MUSK: variants seen among roughly 807,000 people sequenced by gnomAD.
The protein encoded by MUSK is muscle, skeletal receptor tyrosine-protein kinase.
In MUSK, 55 loss-of-function variants were observed where a neutral mutation model predicts 88.7. That is an observed-to-expected ratio of 0.62 (90% CI 0.50 to 0.78). The LOEUF is 0.78. MUSK is among the 30% of genes least tolerant of loss of function. The probability of loss-of-function intolerance (pLI) is 0.00; values close to 1 mark genes in which losing one functional copy is unlikely to be tolerated. For missense variants in MUSK, 1,015 were observed against 1,074.3 expected, an observed-to-expected ratio of 0.94 and a Z score of 0.77; for synonymous variants, 387 against 391.9, an observed-to-expected ratio of 0.99 and a Z score of 0.15.
At chr9:110,717,048 C>A (rs1017041118) in intron 5 of MUSK, among the ~76,000 whole-genome samples, 6 of 149,720 alleles carry the variant, frequency 4.0e-5, no homozygotes, top group African/African-American at 5.1e-5. Context: ...TAGATAAATA[C>A]TTTTGTAATT....
rs2076238305 is a variant in MUSK at position 110,688,978 on chromosome 9, A to C, written c.358+1710A>C. Among the ~76,000 whole-genome samples, 4 of 144,776 alleles carry C rather than the reference A, an allele frequency of 2.8e-5. No homozygotes were observed. The South Asian group carries it at 8.4e-4, about 30-fold the overall frequency. 95.0% of individuals were successfully genotyped at this position (144,776 alleles called of 152,430 possible). On this transcript the variant is annotated intron_variant, in intron 3 of 14. Transcript: ENST00000374448. ...AATATAAATACATACATATATTTAA[A>C]TATATACAAATATATACTTAAATAT...
intron 1 of MUSK, among the ~76,000 whole-genome samples, chr9:110,679,724 A>C (rs2076083042): frequency 6.6e-6 from 1 of 150,982 alleles, no homozygotes; most frequent in African/African-American, 2.4e-5. Flanking sequence ...AATTTTATTT[A>C]TTTTTTAGTA....
chr9:110,697,057 T>A (rs998044912), intron 4 of MUSK, among the ~76,000 whole-genome samples: 4 of 147,214 alleles, frequency 2.7e-5, no homozygotes, highest in African/African-American at 1.0e-4. Flanking sequence ...ATATACATAT[T>A]ATATATATAA....
At position 110,761,888 on chromosome 9, in the gene MUSK, T is replaced by G. The variant is rs369698760; in HGVS notation, c.914-314T>G. On this transcript the variant is annotated intron_variant, in intron 7 of 14. Coordinates refer to ENST00000374448, the MANE Select transcript of MUSK (RefSeq NM_005592.4). ...CGCGCCCGGCCCACATCTTGATTTC[T>G]TAATGTAAAGTCCCTGGGTAGCTAA... The G allele has an allele frequency of 8.1e-6, 8 of 985,216 alleles. No individual in the cohort carries two copies. In the East Asian group the frequency reaches 4.5e-4, roughly 56 times the overall value. The allele number at this position is 985,216 out of a possible 1,614,324, so 61.0% of individuals were successfully genotyped here.
intron 9 of MUSK, among the ~76,000 whole-genome samples, chr9:110,770,213 A>C (rs1436054782): frequency 6.7e-6 from 1 of 149,922 alleles, no homozygotes; most frequent in Non-Finnish European, 1.5e-5. Flanking sequence ...CTCATTATAT[A>C]ATTATTTTTA....
At chr9:110,758,106 G>A (rs2077350308) in intron 7 of MUSK, among the ~76,000 whole-genome samples, 1 of 152,042 alleles carries the variant, frequency 6.6e-6, no homozygotes, top group Admixed American at 6.6e-5. Context: ...TGGGACTACA[G>A]GTGTGTGCCA....
intron 11 of MUSK, among the ~76,000 whole-genome samples, chr9:110,783,838 A>G (rs1392761225): frequency 6.6e-6 from 1 of 151,946 alleles, no homozygotes; most frequent in Non-Finnish European, 1.5e-5. Flanking sequence ...ATCTTTGAGC[A>G]CAACTTTGGC....
intron 5 of MUSK, among the ~76,000 whole-genome samples, chr9:110,721,952 A>T (rs986234381): frequency 6.6e-6 from 1 of 152,148 alleles, no homozygotes; most frequent in African/African-American, 2.4e-5. Flanking sequence ...CTTACAGTTA[A>T]CCGATCTTTG....
chr9:110,705,271 G>T (rs1309979566), intron 5 of MUSK, among the ~76,000 whole-genome samples: 1 of 152,168 alleles, frequency 6.6e-6, no homozygotes, highest in East Asian at 1.9e-4. Context: ...AAAGGTAATT[G>T]ATTCCTATGT....
intron 7 of MUSK, among the ~76,000 whole-genome samples, chr9:110,755,953 C>A (rs10817090): frequency 4.2e-5 from 3 of 70,680 alleles, no homozygotes; most frequent in African/African-American, 5.6e-5. Context: ...TATATATACA[C>A]ATATATATAT....
chr9:110,690,244 A>G (rs1342273538), intron 3 of MUSK, among the ~76,000 whole-genome samples: 34 of 81,802 alleles, frequency 4.2e-4, no homozygotes, highest in Non-Finnish European at 6.3e-4. Context: ...TTAAGTATAT[A>G]TAAATATATA....
intron 3 of MUSK, 137 bp from the exon 4 acceptor site, chr9:110,695,266 C>A: frequency 3.3e-6 from 2 of 599,694 alleles, no homozygotes; most frequent in Non-Finnish European, 2.7e-6. Context: ...ACTGTCTTTG[C>A]ATTTGGTGAA....
At chr9:110,760,686 T>C (rs2077385530) in intron 7 of MUSK, among the ~76,000 whole-genome samples, 1 of 152,118 alleles carries the variant, frequency 6.6e-6, no homozygotes, top group East Asian at 1.9e-4. Context: ...CAAGTTTACC[T>C]ACACAACAAA....
intron 13 of MUSK, among the ~76,000 whole-genome samples, chr9:110,787,415 TG>T (rs2077892163): frequency 7.2e-6 from 1 of 139,562 alleles, no homozygotes; most frequent in South Asian, 2.3e-4. Flanking sequence ...CTATTGGGGG[TG>T]TATACTTCAG....
At chr9:110,734,014 A>T (rs1348493498) in intron 5 of MUSK, among the ~76,000 whole-genome samples, 2 of 152,084 alleles carry the variant, frequency 1.3e-5, no homozygotes, top group Non-Finnish European at 2.9e-5. Context: ...AGGAAGAACA[A>T]GGGCAAGTTT....
chr9:110,670,731 T>C (rs1355699316), intron 1 of MUSK, among the ~76,000 whole-genome samples: 1 of 152,158 alleles, frequency 6.6e-6, no homozygotes, highest in Non-Finnish European at 1.5e-5. Context: ...GAATTAGGTT[T>C]TAAAATCAAA....
chr9:110,775,463 T>G (rs2077652866), intron 9 of MUSK: 1 of 332,730 alleles, frequency 3.0e-6, no homozygotes, highest in Admixed American at 4.3e-5. Flanking sequence ...TTCCTCTACC[T>G]GTGTTGTTAT....
intron 6 of MUSK, among the ~76,000 whole-genome samples, chr9:110,735,573 A>G (rs997155430): frequency 6.6e-6 from 1 of 152,076 alleles, no homozygotes; most frequent in African/African-American, 2.4e-5. Flanking sequence ...GGAAGGGAGG[A>G]TAAAGAGGGG....
At chr9:110,699,875 G>T (rs1265277739) in intron 5 of MUSK, among the ~76,000 whole-genome samples, 1 of 152,164 alleles carries the variant, frequency 6.6e-6, no homozygotes, top group Non-Finnish European at 1.5e-5. Flanking sequence ...TACAGGAAAA[G>T]ATAGAGTTTT....
Sources: allele counts gnomAD v4.1 joint callset (sites outside exome capture counted in the v4.1 genomes callset), GRCh38; gene constraint gnomAD v4.1.1; transcripts MANE v1.5; gene names NCBI Gene and HGNC (gene_info 2026-07-23, HGNC 2026-07-21).